MAST2: variants seen among roughly 807,000 people sequenced by gnomAD.
MAST2 encodes microtubule associated serine/threonine kinase 2, also known as microtubule-associated serine/threonine-protein kinase 2.
Under a neutral mutation model 147.4 loss-of-function variants are expected in MAST2, and 70 were observed. The observed-to-expected ratio is 0.47, with a 90% CI of 0.39 to 0.58. MAST2 has a LOEUF of 0.58. Ranked by LOEUF, MAST2 falls within the 20% of genes least tolerant of loss-of-function variation. The pLI is 0.00. For synonymous variants in MAST2, 869 were observed against 896.8 expected (o/e 0.97, Z 0.55); for missense variants, 2,080 against 2,302.3 (o/e 0.90, Z 1.98).
chr1:45,833,213 A>C (rs1236043044), intron 3 of MAST2, among the ~76,000 whole-genome samples: 1 of 151,708 alleles, frequency 6.6e-6, no homozygotes, highest in Non-Finnish European at 1.5e-5. Flanking sequence ...CTTCACCTTC[A>C]TTTTCTAATG....
At chr1:45,862,237 A>G (rs532892397) in intron 3 of MAST2, among the ~76,000 whole-genome samples, 25 of 152,212 alleles carry the variant, frequency 1.6e-4, no homozygotes, top group Non-Finnish European at 3.1e-4. Flanking sequence ...TCATTCATAC[A>G]TGTTTCATAA....
At chr1:45,962,183 G>A (rs1660519425) in intron 5 of MAST2, among the ~76,000 whole-genome samples, 2 of 152,106 alleles carry the variant, frequency 1.3e-5, no homozygotes. Flanking sequence ...TTGGACATTT[G>A]GGTTGGTTCC....
In MAST2 at chr1:45,873,869, G is replaced by T. The variant is rs1314841422; in HGVS notation, c.469-8495G>T. 2.6e-5 allele frequency among the ~76,000 whole-genome samples: 4 copies of T among 152,162 alleles called. No individual in the cohort carries two copies. The East Asian group carries it at 7.7e-4, about 29-fold the overall frequency. On this transcript the variant is annotated intron_variant, in intron 3 of 28. Transcript: ENST00000361297. ...AGAATCTCTCTCTGTTGCCCAGGCT[G>T]GAGTGCAGTGGTGTGATCTTGGCTT...
intron 7 of MAST2, among the ~76,000 whole-genome samples, chr1:46,005,470 G>C (rs1409398381): frequency 6.6e-6 from 1 of 152,164 alleles, no homozygotes; most frequent in Non-Finnish European, 1.5e-5. Context: ...ATGGAGGGGG[G>C]AGTTCCCTGA....
chr1:45,929,384 G>C lies in MAST2; in HGVS notation c.501-30002G>C, dbSNP rs536355683. On this transcript the variant is annotated intron_variant, in intron 4 of 28. Coordinates refer to ENST00000361297, the MANE Select transcript of MAST2 (RefSeq NM_015112.3). ...TGAAGATTGTTTGCCCAGAGCAGCA[G>C]GGGGGGAGTTGTTGGTGGTGAAGCC... Among the ~76,000 whole-genome samples, 15 of 150,936 alleles carry C rather than the reference G, an allele frequency of 9.9e-5. No individual in the cohort carries two copies. In the East Asian group the frequency reaches 2.9e-3, roughly 29 times the overall value.
At chr1:45,913,132 A>G (rs1193308283) in intron 4 of MAST2, among the ~76,000 whole-genome samples, 1 of 152,220 alleles carries the variant, frequency 6.6e-6, no homozygotes, top group African/African-American at 2.4e-5. Context: ...TTGAACAAAA[A>G]ATGGCACTGA....
chr1:46,009,962 T>C (rs926077998), intron 9 of MAST2, among the ~76,000 whole-genome samples: 1 of 152,236 alleles, frequency 6.6e-6, no homozygotes, highest in Non-Finnish European at 1.5e-5. Context: ...CATTTTGACA[T>C]GACTGTGTAG....
intron 1 of MAST2, among the ~76,000 whole-genome samples, chr1:45,807,386 G>C (rs144818117): frequency 6.6e-6 from 1 of 152,190 alleles, no homozygotes; most frequent in African/African-American, 2.4e-5. Context: ...TAGAACAAGG[G>C]TCTGCAGTCC....
chr1:45,844,193 A>G (rs1418576558), intron 3 of MAST2, among the ~76,000 whole-genome samples: 1 of 152,152 alleles, frequency 6.6e-6, no homozygotes, highest in African/African-American at 2.4e-5. Flanking sequence ...TCAACCTGCT[A>G]GGGTCAAGTG....
intron 3 of MAST2, among the ~76,000 whole-genome samples, chr1:45,836,432 C>T (rs946518643): frequency 6.6e-6 from 1 of 152,106 alleles, no homozygotes. Context: ...AGAACCTTTT[C>T]TCATCATTAA....
chr1:46,034,677 G>A lies in MAST2; in HGVS notation c.4008G>A (p.Lys1336=). 6.2e-7 allele frequency: 1 copy of A among 1,614,150 alleles called. No individual in the cohort carries two copies. The highest frequency in any genetic ancestry group is 1.3e-5 in the African/African-American group (1 of 75,028). ...GCCAGTACCGCTCTCCACGGCGCAAGTCAGCAGGCAGCATCCCACTGTCAC... is the reference window on the plus strand; with the variant it reads ...GCCAGTACCGCTCTCCACGGCGCAAATCAGCAGGCAGCATCCCACTGTCAC... ...LQRQYRSPRR[K]SAGSIPLSPL... is the part of the protein sequence containing the mutation. Residue 1336 remains lysine, a synonymous_variant, in exon 29 of 29, where the codon AAG becomes AAA. Transcript: ENST00000361297.
intron 3 of MAST2, among the ~76,000 whole-genome samples, chr1:45,830,536 A>T (rs1644925416): frequency 6.6e-6 from 1 of 152,128 alleles, no homozygotes; most frequent in Non-Finnish European, 1.5e-5. Flanking sequence ...TTGTATAGTG[A>T]GGGTCAAGGA....
intron 4 of MAST2, among the ~76,000 whole-genome samples, chr1:45,889,454 T>C (rs1271155394): frequency 1.3e-5 from 2 of 152,316 alleles, no homozygotes; most frequent in Admixed American, 6.5e-5. Flanking sequence ...TCCGAGGTGC[T>C]GAGATTACAG....
chr1:45,871,673 T>C (rs1646399499), intron 3 of MAST2, among the ~76,000 whole-genome samples: 3 of 152,158 alleles, frequency 2.0e-5, no homozygotes, highest in Non-Finnish European at 4.4e-5. Flanking sequence ...GTTTGATCTT[T>C]AAACTGAAAG....
intron 3 of MAST2, among the ~76,000 whole-genome samples, chr1:45,859,229 G>T (rs1011252479): frequency 6.6e-6 from 1 of 152,082 alleles, no homozygotes. Flanking sequence ...TGAGTAGCTG[G>T]GACTACAGGC....
intron 15 of MAST2, chr1:46,024,219 AAT>A: frequency 2.0e-6 from 1 of 508,380 alleles, no homozygotes. Flanking sequence ...GCAGCTATAG[AAT>A]CTTGCACCCC....
At chr1:46,024,467 G>C in intron 15 of MAST2, 1 of 181,874 alleles carries the variant, frequency 5.5e-6, no homozygotes, top group East Asian at 1.3e-4. Context: ...CAGCAGCTTT[G>C]CCAGTTTCCC....
chr1:45,976,587 C>T (rs993589649), intron 5 of MAST2, among the ~76,000 whole-genome samples: 1 of 152,164 alleles, frequency 6.6e-6, no homozygotes, highest in Non-Finnish European at 1.5e-5. Context: ...AGTAAAAAAG[C>T]AGCTTTAACT....
chr1:45,972,041 G>A (rs139151727), intron 5 of MAST2, among the ~76,000 whole-genome samples: 1 of 152,272 alleles, frequency 6.6e-6, no homozygotes, highest in Admixed American at 6.5e-5. Flanking sequence ...AAGCCCTAGT[G>A]TCAAGCAGGA....
Sources: allele counts gnomAD v4.1 joint callset (sites outside exome capture counted in the v4.1 genomes callset), GRCh38; gene constraint gnomAD v4.1.1; transcripts MANE v1.5; gene names NCBI Gene and HGNC (gene_info 2026-07-23, HGNC 2026-07-21).